The following ALPK2 variants were observed in gnomAD, a reference collection of about 807,000 sequenced individuals.
ALPK2 encodes alpha-protein kinase 2.
In ALPK2, 127 loss-of-function variants were observed where a neutral mutation model predicts 163.1. That is an observed-to-expected ratio of 0.78 (90% CI 0.67 to 0.90). The LOEUF (loss-of-function observed/expected upper bound fraction) is 0.90, where lower values mean the gene tolerates loss of function less well. Among genes scored for constraint, ALPK2 ranks in the 40% least tolerant of loss-of-function variants. The pLI, the probability that ALPK2 is intolerant of heterozygous loss-of-function variation, is 0.00. For missense variants in ALPK2, 2,360 were observed against 2,589.6 expected (o/e 0.91, Z 1.92); for synonymous variants, 953 against 959.1 (o/e 0.99, Z 0.12).
chr18:58,554,058 C>A (rs4940410), intron 4 of ALPK2, among the ~76,000 whole-genome samples: 60 of 151,948 alleles, frequency 3.9e-4, no homozygotes, highest in African/African-American at 1.4e-3. Context: ...GCGGGATTTC[C>A]CCATGTTGGC....
chr18:58,483,350 C>T (rs140586751), intron 12 of ALPK2, among the ~76,000 whole-genome samples: 5 of 152,232 alleles, frequency 3.3e-5, no homozygotes, highest in African/African-American at 7.2e-5. Flanking sequence ...GCTGTTAAAA[C>T]GAAGACAAAA....
intron 12 of ALPK2, among the ~76,000 whole-genome samples, chr18:58,487,240 A>G (rs1050605511): frequency 6.6e-6 from 1 of 152,186 alleles, no homozygotes; most frequent in African/African-American, 2.4e-5. Flanking sequence ...GGTGTCTCAT[A>G]AGAAGATGAC....
At chr18:58,512,586 G>A (rs1203541761) in intron 10 of ALPK2, among the ~76,000 whole-genome samples, 9 of 151,982 alleles carry the variant, frequency 5.9e-5, no homozygotes, top group Non-Finnish European at 8.8e-5. Context: ...CTCTGTGTGC[G>A]TGTGTTGTGT....
intron 10 of ALPK2, among the ~76,000 whole-genome samples, chr18:58,513,811 CAGTGAGCCG>C (rs1419176898): frequency 6.6e-6 from 1 of 152,098 alleles, no homozygotes; most frequent in Non-Finnish European, 1.5e-5. Flanking sequence ...GTCAAGGCTG[CAGTGAGCCG>C]TGATTGCACC....
At chr18:58,554,272 T>G (rs995976722) in intron 4 of ALPK2, among the ~76,000 whole-genome samples, 1 of 152,180 alleles carries the variant, frequency 6.6e-6, no homozygotes, top group Non-Finnish European at 1.5e-5. Context: ...TCAGGGTAGA[T>G]CTATGTGGAA....
Position 58,566,335 on chromosome 18 carries a change from T to C in ALPK2, c.1962+12479A>G, listed in dbSNP as rs895912281. On this transcript the variant is annotated intron_variant, in intron 4 of 12. Coordinates refer to ENST00000361673, the MANE Select transcript of ALPK2 (RefSeq NM_052947.4). The stretch of plus-strand genomic sequence containing the variant: ...AACCAAATTCCAGTATTGGATTCTG[T>C]ACTCTTTCCTCAGTTTGGTTTATCT... 2.8e-4 allele frequency: 42 copies of C among 152,346 alleles called. 1 individual carries two copies. The highest frequency in any genetic ancestry group is 2.4e-3 in the Admixed American group (37 of 15,310). 9.4% of individuals were successfully genotyped at this position (152,346 alleles called of 1,614,324 possible).
chr18:58,618,244 A>C (rs937157110), intron 1 of ALPK2, among the ~76,000 whole-genome samples: 5 of 152,068 alleles, frequency 3.3e-5, no homozygotes, highest in Non-Finnish European at 5.9e-5. Flanking sequence ...ACGGGGTTTC[A>C]CCATATTGGC....
Position 58,481,805 on chromosome 18 carries a change from T to G in ALPK2, c.*18A>C. 6.2e-7 allele frequency: 1 copy of G among 1,600,108 alleles called. No homozygotes were observed. The highest frequency in any genetic ancestry group is 8.6e-7 in the Non-Finnish European group (1 of 1,167,704). ...ATTGTGTGCTGCTAGCCAGTGGCCA[T>G]TAGGTTACCCAGGGACGTTAGGTTT... On this transcript the variant is annotated 3_prime_UTR_variant, in exon 13 of 13. Coordinates refer to ENST00000361673, the MANE Select transcript of ALPK2 (RefSeq NM_052947.4).
chr18:58,535,686 C>T lies in ALPK2; in HGVS notation c.4501G>A (p.Gly1501Ser), dbSNP rs748622515. ...IWQVLQPSEG[G>S]ERIPSGCSIG... is the part of the protein sequence containing the mutation. The stretch of plus-strand genomic sequence containing the variant: ...CTACATCCACTTGGAATTCTTTCAC[C>T]GCCTTCGCTGGGTTGCAGGACTTGC... Residue 1501 changes from glycine to serine, a missense_variant, in exon 5 of 13, where the codon GGT becomes AGT. Gly to Ser is a moderately conservative substitution (Grantham distance 56, BLOSUM62 0). Coordinates refer to ENST00000361673, the MANE Select transcript of ALPK2 (RefSeq NM_052947.4). The T allele has an allele frequency of 2.8e-5, 45 of 1,614,118 alleles. No homozygotes were observed. Among genetic ancestry groups the T allele is most frequent in the South Asian group, 7.7e-5 (7 of 91,088 alleles).
intron 12 of ALPK2, among the ~76,000 whole-genome samples, chr18:58,492,608 C>G (rs2051381234): frequency 6.6e-6 from 1 of 152,196 alleles, no homozygotes; most frequent in Admixed American, 6.5e-5. Flanking sequence ...CAGGGGTGAT[C>G]TCGAATCTAC....
At chr18:58,609,955 AC>A (rs1488824771) in intron 2 of ALPK2, among the ~76,000 whole-genome samples, 14 of 152,044 alleles carry the variant, frequency 9.2e-5, no homozygotes, top group African/African-American at 3.4e-4. Flanking sequence ...GGCTGAGCGC[AC>A]AGTTCTACAC....
chr18:58,592,176 C>A (rs1419545790), intron 3 of ALPK2, among the ~76,000 whole-genome samples: 2 of 152,208 alleles, frequency 1.3e-5, no homozygotes, highest in African/African-American at 2.4e-5. Flanking sequence ...TCCTGCTGGA[C>A]CTGCAACTAT....
chr18:58,559,132 G>T (rs992759162), intron 4 of ALPK2, among the ~76,000 whole-genome samples: 1 of 152,176 alleles, frequency 6.6e-6, no homozygotes, highest in East Asian at 1.9e-4. Flanking sequence ...ATTAGTGATG[G>T]TATATAATCT....
At chr18:58,601,188 G>A (rs35255742) in intron 3 of ALPK2, among the ~76,000 whole-genome samples, 25,819 of 151,998 alleles carry the variant, frequency 0.17, 2,502 homozygotes, top group East Asian at 0.42. Context: ...CCTGGGAGGT[G>A]GAGGTTGCAG....
At chr18:58,565,399 T>C (rs1484865001) in intron 4 of ALPK2, among the ~76,000 whole-genome samples, 1 of 152,228 alleles carries the variant, frequency 6.6e-6, no homozygotes, top group Non-Finnish European at 1.5e-5. Context: ...ATCAGCTTGG[T>C]ACTGTACTTT....
chr18:58,486,412 C>T (rs935180268), intron 12 of ALPK2, among the ~76,000 whole-genome samples: 2 of 152,202 alleles, frequency 1.3e-5, no homozygotes, highest in Non-Finnish European at 2.9e-5. Context: ...ACACCCCTCT[C>T]AGAGTTAGGG....
At chr18:58,522,781 G>A (rs905771606) in intron 8 of ALPK2, among the ~76,000 whole-genome samples, 2 of 152,072 alleles carry the variant, frequency 1.3e-5, no homozygotes, top group Non-Finnish European at 2.9e-5. Flanking sequence ...CCCTCTACGT[G>A]TTCCCCAAAA....
chr18:58,533,855 A>C (rs2051628877), intron 5 of ALPK2, among the ~76,000 whole-genome samples: 1 of 152,228 alleles, frequency 6.6e-6, no homozygotes, highest in South Asian at 2.1e-4. Context: ...TTTCTGCAAC[A>C]GGGGTTAGGA....
intron 1 of ALPK2, among the ~76,000 whole-genome samples, chr18:58,616,826 G>A (rs988088518): frequency 6.6e-6 from 1 of 152,158 alleles, no homozygotes; most frequent in African/African-American, 2.4e-5. Context: ...AACCCCAAGA[G>A]GTGCTCATGG....
Sources: allele counts gnomAD v4.1 joint callset (sites outside exome capture counted in the v4.1 genomes callset), GRCh38; gene constraint gnomAD v4.1.1; transcripts MANE v1.5; gene names NCBI Gene and HGNC (gene_info 2026-07-23, HGNC 2026-07-21).